Variants in BTRC observed in about 807,000 individuals in gnomAD.
The protein encoded by BTRC is F-box/WD repeat-containing protein 1A.
Under a neutral mutation model 85.5 loss-of-function variants are expected in BTRC, and 42 were observed. The observed-to-expected ratio is 0.49, with a 90% CI of 0.38 to 0.64. BTRC has a LOEUF of 0.64. Ranked by LOEUF, BTRC falls within the 30% of genes least tolerant of loss-of-function variation. BTRC has a pLI of 0.00. For missense variants in BTRC, 594 were observed against 743.5 expected (o/e 0.80, Z 2.34); for synonymous variants, 255 against 263.3 (o/e 0.97, Z 0.30).
At chr10:101,536,415 A>G (rs2062386077) in intron 11 of BTRC, 128 bp from the exon 12 acceptor site, 4 of 644,772 alleles carry the variant, frequency 6.2e-6, no homozygotes, top group Admixed American at 2.5e-5. Context: ...AAAGCAGTAC[A>G]TATCTGTGTG....
intron 1 of BTRC, among the ~76,000 whole-genome samples, chr10:101,414,953 A>T (rs1943889088): frequency 6.6e-6 from 1 of 152,140 alleles, no homozygotes. Flanking sequence ...CAGTAAGCTA[A>T]GTTTATTACT....
At chr10:101,402,254 GA>G (rs1943511466) in intron 1 of BTRC, among the ~76,000 whole-genome samples, 1 of 152,098 alleles carries the variant, frequency 6.6e-6, no homozygotes, top group African/African-American at 2.4e-5. Flanking sequence ...GGCTCCTTTG[GA>G]AGTTGGGTGA....
chr10:101,456,118 C>T (rs1564784070), intron 2 of BTRC, among the ~76,000 whole-genome samples: 1 of 151,496 alleles, frequency 6.6e-6, no homozygotes, highest in South Asian at 2.1e-4. Context: ...TTGTAATGAG[C>T]CGAGGTCGCC....
rs149330036 is a variant in BTRC, at chr10:101,462,367, G to A, written c.234+309G>A. Among the ~76,000 whole-genome samples, 151 of 152,174 alleles carry A rather than the reference G, an allele frequency of 9.9e-4. 3 individuals are homozygous for A. In the East Asian group the frequency reaches 0.027, roughly 27 times the overall value. Reference sequence around the variant, plus strand: ...TTGTTTGCTTTTTCTAGAAGAAAAGGCCATTGTTAATAATAACTTAAAAAA... The same window carrying A: ...TTGTTTGCTTTTTCTAGAAGAAAAGACCATTGTTAATAATAACTTAAAAAA... On this transcript the variant is annotated intron_variant, in intron 3 of 14. Coordinates refer to ENST00000370187, the MANE Select transcript of BTRC (RefSeq NM_033637.4).
At position 101,410,972 on chromosome 10, in the gene BTRC, A is replaced by G. The variant is rs566447908; in HGVS notation, c.49-19373A>G. On this transcript the variant is annotated intron_variant, in intron 1 of 14. Coordinates refer to ENST00000370187, the MANE Select transcript of BTRC (RefSeq NM_033637.4). ...AATTTTAAATGAAACAATTTTAAAA[A>G]TATTGACATTTGTATTTCTGGCACT... Among the ~76,000 whole-genome samples, 94 of 150,306 alleles carry G rather than the reference A, an allele frequency of 6.3e-4. 2 individuals are homozygous for G. The highest frequency in any genetic ancestry group is 1.9e-3 in the African/African-American group (77 of 41,102).
intron 4 of BTRC, among the ~76,000 whole-genome samples, chr10:101,485,298 A>C (rs1326331470): frequency 1.3e-5 from 2 of 152,274 alleles, no homozygotes; most frequent in Non-Finnish European, 2.9e-5. Flanking sequence ...ATTGTTAAAC[A>C]TACAAGAAAA....
At chr10:101,447,754 A>T (rs1378097694) in intron 2 of BTRC, among the ~76,000 whole-genome samples, 1 of 152,160 alleles carries the variant, frequency 6.6e-6, no homozygotes, top group Non-Finnish European at 1.5e-5. Context: ...AACAGATTTT[A>T]AAATATCATT....
At chr10:101,422,949 C>T (rs925708478) in intron 1 of BTRC, among the ~76,000 whole-genome samples, 39 of 152,142 alleles carry the variant, frequency 2.6e-4, no homozygotes, top group African/African-American at 4.8e-4. Flanking sequence ...CTTGGCAATG[C>T]GGGCTCTTTT....
At chr10:101,485,428 A>G (rs1276804905) in intron 4 of BTRC, among the ~76,000 whole-genome samples, 1 of 152,276 alleles carries the variant, frequency 6.6e-6, no homozygotes, top group Non-Finnish European at 1.5e-5. Flanking sequence ...GTTGGCCATC[A>G]GCATCTTCCA....
intron 4 of BTRC, among the ~76,000 whole-genome samples, chr10:101,506,782 G>A (rs1946553746): frequency 6.6e-6 from 1 of 152,144 alleles, no homozygotes; most frequent in African/African-American, 2.4e-5. Flanking sequence ...TTATTTCCTA[G>A]CTATAGTGTA....
chr10:101,481,006 C>T (rs1043515732), intron 4 of BTRC, among the ~76,000 whole-genome samples: 4 of 152,210 alleles, frequency 2.6e-5, no homozygotes, highest in Non-Finnish European at 5.9e-5. Flanking sequence ...GCAGCCTTTA[C>T]CTCCAGGGCT....
intron 1 of BTRC, among the ~76,000 whole-genome samples, chr10:101,355,817 A>G (rs1393271830): frequency 1.3e-5 from 2 of 152,208 alleles, no homozygotes; most frequent in Admixed American, 1.3e-4. Flanking sequence ...TTTCGAAAAC[A>G]CCTAATTAAA....
chr10:101,395,872 A>G (rs2133990436), intron 1 of BTRC, among the ~76,000 whole-genome samples: 1 of 152,202 alleles, frequency 6.6e-6, no homozygotes, highest in Non-Finnish European at 1.5e-5. Flanking sequence ...TAATATTTGC[A>G]TATTTTTTCC....
At chr10:101,356,291 GC>G (rs1564723302) in intron 1 of BTRC, among the ~76,000 whole-genome samples, 1 of 152,128 alleles carries the variant, frequency 6.6e-6, no homozygotes, top group East Asian at 1.9e-4. Flanking sequence ...GAGCCACAGC[GC>G]CCAGCAGAGG....
At chr10:101,478,583 G>T (rs1335386023) in intron 3 of BTRC, among the ~76,000 whole-genome samples, 4 of 151,350 alleles carry the variant, frequency 2.6e-5, no homozygotes. Flanking sequence ...TTGAGCTCAG[G>T]AGTTCAAGAC....
At chr10:101,498,402 C>G (rs551677999) in intron 4 of BTRC, among the ~76,000 whole-genome samples, 1 of 152,038 alleles carries the variant, frequency 6.6e-6, no homozygotes, top group East Asian at 1.9e-4. Flanking sequence ...TGATCTGCCC[C>G]CCTTGGCCTC....
In BTRC at chr10:101,521,649, C is replaced by G. The variant is rs201224727; in HGVS notation, c.335C>G (p.Ala112Gly). Residue 112 changes from alanine to glycine, a missense_variant, in exon 5 of 15, where the codon GCC (alanine) becomes GGC (glycine). Physicochemically the swap from Ala to Gly is moderately conservative, Grantham distance 60. Around this residue, in one of 4 missense-constraint regions of BTRC, gnomAD observed 163 missense variants for 180.5 expected, o/e 0.90. Coordinates refer to ENST00000370187, the MANE Select transcript of BTRC (RefSeq NM_033637.4). Reference protein sequence around the residue: ...TENCVAKTKLANGTSSMIVPK... With the variant: ...TENCVAKTKLGNGTSSMIVPK... ...AACCCCCTTCTACAGACAAAACTTG[C>G]CAATGGCACTTCCAGTATGATTGTG... The G allele has an allele frequency of 3.1e-6, 5 of 1,613,338 alleles. No individual in the cohort carries two copies. The highest frequency in any genetic ancestry group is 4.2e-6 in the Non-Finnish European group (5 of 1,179,686).
chr10:101,556,908 GTATTT>G lies in BTRC; in HGVS notation c.*3788_*3792del, dbSNP rs1554901882. 6.6e-6 allele frequency: 1 copy of G among 152,070 alleles called. No individual in the cohort carries two copies. The highest frequency in any genetic ancestry group is 1.5e-5 in the Non-Finnish European group (1 of 68,050). The allele number at this position is 152,070 out of a possible 1,614,324, so 9.4% of individuals were successfully genotyped here. A position where few individuals can be genotyped will look rare whatever the true frequency, so the allele number is the denominator to read the frequency against. ...TATTAAGGATCAGTGCAGTTAAGTC[GTATTT>G]TAAAGTGTTACCTCCCCTCCTAACC... On this transcript the variant is annotated 3_prime_UTR_variant, in exon 15 of 15. Transcript: ENST00000370187.
At position 101,555,512 on chromosome 10, in the gene BTRC, G is replaced by T. The variant is rs546009804; in HGVS notation, c.*2389G>T. On this transcript the variant is annotated 3_prime_UTR_variant, in exon 15 of 15. Transcript: ENST00000370187. ...GATGGAAATGGGAATGAAGTTAAGT[G>T]GTCTGAAAAACTTGAATCGTTCACA... is the stretch of plus-strand genomic sequence containing the variant. The T allele has an allele frequency of 6.6e-6, 1 of 152,648 alleles. No homozygotes were observed. The highest frequency in any genetic ancestry group is 1.9e-4 in the East Asian group (1 of 5,188). The allele number at this position is 152,648 out of a possible 1,614,324, so 9.5% of individuals were successfully genotyped here.
Sources: gnomAD v4.1 joint callset for allele counts (sites outside exome capture counted in the v4.1 genomes callset) on GRCh38, gnomAD v4.1.1 for gene constraint, gnomAD v4.1.1 regional missense constraint, MANE v1.5 for transcripts, NCBI Gene and HGNC (gene_info 2026-07-23, HGNC 2026-07-21) for gene names.